The following MYO1A variants were observed in gnomAD, a reference collection of about 807,000 sequenced individuals.
The protein encoded by MYO1A is myosin IA.
Under a neutral mutation model 138.5 loss-of-function variants are expected in MYO1A, and 127 were observed. The ratio of observed to expected loss-of-function variants is 0.92; its 90% CI spans 0.79 to 1.06. The LOEUF is 1.06. Among genes scored for constraint, MYO1A ranks in the 50% least tolerant of loss-of-function variants. The probability of loss-of-function intolerance (pLI) is 0.00; values close to 1 mark genes in which losing one functional copy is unlikely to be tolerated. For synonymous variants in MYO1A, 477 were observed against 497.5 expected (o/e 0.96, Z 0.55); for missense variants, 1,211 against 1,288.8 (o/e 0.94, Z 0.92).
At position 57,043,855 on chromosome 12, in the gene MYO1A, C is replaced by A. The variant is rs765445659; in HGVS notation, c.892+1G>T. On this transcript the variant is annotated splice_donor_variant, in intron 10 of 27. Coordinates refer to ENST00000300119, the MANE Select transcript of MYO1A (RefSeq NM_005379.4). LOFTEE classifies it high-confidence loss of function. ...GAGCTCCAGCAGGCTGGGATGCAGA[C>A]CTCTCCCATCACGGATGCCACTTGC... 1.2e-6 allele frequency: 2 copies of A among 1,614,028 alleles called. No individual in the cohort carries two copies. The highest frequency in any genetic ancestry group is 1.7e-5 in the Admixed American group (1 of 60,006).
At chr12:57,029,960 C>G in intron 24 of MYO1A, 88 bp from the exon 25 acceptor site, 1 of 1,594,526 alleles carries the variant, frequency 6.3e-7, no homozygotes, top group Non-Finnish European at 8.6e-7. Flanking sequence ...CTCCCGGGCC[C>G]TTCCCCCACA....
At chr12:57,041,567 G>T in intron 12 of MYO1A, 70 bp from the exon 13 acceptor site, 1 of 1,348,396 alleles carries the variant, frequency 7.4e-7, no homozygotes, top group Non-Finnish European at 1.1e-6. Flanking sequence ...CTTCTGGAGC[G>T]GATGGGGTTG....
At position 57,030,258 on chromosome 12, in the gene MYO1A, A is replaced by C; in HGVS notation, c.2543T>G (p.Leu848Arg). The change falls in exon 24 of 28, where the codon CTC (leucine) becomes CGC (arginine). Residue 848 changes from leucine (L) to arginine (R), a missense_variant. Leu to Arg is a moderately radical substitution (Grantham distance 102). Coordinates refer to ENST00000300119, the MANE Select transcript of MYO1A (RefSeq NM_005379.4). ...PKQVEILREK[L>R]CASELFKGKK... is the part of the protein sequence containing the mutation. Reference sequence around the variant, plus strand: ...GCCCTTGAACAGTTCACTGGCACAGAGCTTTTCCCTCAGGATCTCTACCTG... The same window carrying C: ...GCCCTTGAACAGTTCACTGGCACAGCGCTTTTCCCTCAGGATCTCTACCTG... The C allele has an allele frequency of 6.2e-7, 1 of 1,614,078 alleles. No homozygotes were observed. Among genetic ancestry groups the C allele is most frequent in the East Asian group, 2.2e-5 (1 of 44,872 alleles).
intron 2 of MYO1A, 27 bp from the exon 3 acceptor site, chr12:57,048,131 A>C: frequency 6.2e-7 from 1 of 1,608,856 alleles, no homozygotes; most frequent in South Asian, 1.1e-5. Context: ...GGTGAAGGGA[A>C]TGAGCTTGAG....
chr12:57,049,237 C>T (rs1221673829), intron 1 of MYO1A, among the ~76,000 whole-genome samples: 1 of 152,190 alleles, frequency 6.6e-6, no homozygotes, highest in Non-Finnish European at 1.5e-5. Context: ...GGCAGGTGTT[C>T]CCTAAGGAGG....
intron 22 of MYO1A, among the ~76,000 whole-genome samples, chr12:57,035,958 A>T (rs1017794656): frequency 9.2e-5 from 14 of 151,834 alleles, no homozygotes; most frequent in African/African-American, 3.1e-4. Flanking sequence ...GGATCACTCT[A>T]CTCTTCAATG....
chr12:57,034,922 C>T (rs2030459965), intron 22 of MYO1A, among the ~76,000 whole-genome samples: 1 of 151,834 alleles, frequency 6.6e-6, no homozygotes, highest in South Asian at 2.1e-4. Context: ...GCTGAGATCG[C>T]GCCATTGTAC....
chr12:57,049,642 C>T (rs1234498380), intron 1 of MYO1A, among the ~76,000 whole-genome samples: 1 of 152,146 alleles, frequency 6.6e-6, no homozygotes, highest in Non-Finnish European at 1.5e-5. Flanking sequence ...TTACAATATC[C>T]CCATGAAGTA....
Position 57,031,100 on chromosome 12 carries a change from G to T in MYO1A, c.2424C>A (p.Ala808=). Residue 808 remains alanine, a synonymous_variant, in exon 23 of 28, where the codon GCC becomes GCA. Coordinates refer to ENST00000300119, the MANE Select transcript of MYO1A (RefSeq NM_005379.4). ...TTGCTGTGCTGAGGCACTTGTAGGG[G>T]GCGGCTGGCCATGTCTTGTCTAAGA... is the stretch of plus-strand genomic sequence containing the variant. The part of the protein sequence containing the change: ...TNVLDKTWPA[A]PYKCLSTANQ... 6.2e-7 allele frequency: 1 copy of T among 1,614,162 alleles called. No homozygotes were observed.
Position 57,031,073 on chromosome 12 carries a change from A to T in MYO1A, c.2451T>A (p.Asn817Lys). ...AAPYKCLSTANQELQQLFYQW... is the reference protein window; with the variant it reads ...AAPYKCLSTAKQELQQLFYQW... The stretch of plus-strand genomic sequence containing the variant: ...GGTAGAAGAGCTGCTGCAGCTCCTG[A>T]TTTGCTGTGCTGAGGCACTTGTAGG... Residue 817 changes from asparagine (N) to lysine (K), a missense_variant, in exon 23 of 28, where the codon AAT becomes AAA. Physicochemically the swap from Asn to Lys is moderately conservative, Grantham distance 94. Transcript: ENST00000300119. 1 of 1,613,972 alleles carries T rather than the reference A, an allele frequency of 6.2e-7. No homozygotes were observed. The highest frequency in any genetic ancestry group is 8.5e-7 in the Non-Finnish European group (1 of 1,179,982).
chr12:57,038,288 G>T, intron 17 of MYO1A, 124 bp downstream of exon 17: 1 of 1,208,232 alleles, frequency 8.3e-7, no homozygotes, highest in Non-Finnish European at 1.2e-6. Context: ...ACTGTTTTCT[G>T]TGAGGAAAGG....
At chr12:57,046,429 T>C (rs2031090376) in intron 8 of MYO1A, 123 bp downstream of exon 8, 3 of 773,980 alleles carry the variant, frequency 3.9e-6, no homozygotes, top group East Asian at 2.5e-5. Context: ...AAGGAAAATC[T>C]GGGAGGCTCA....
chr12:57,044,250 C>G (rs1299388064), intron 8 of MYO1A, 41 bp from the exon 9 acceptor site: 1 of 1,523,652 alleles, frequency 6.6e-7, no homozygotes, highest in African/African-American at 1.4e-5. Flanking sequence ...AGTACCCAGG[C>G]TCTCTGGAGC....
chr12:57,036,664 G>A, intron 21 of MYO1A, 108 bp downstream of exon 21: 1 of 1,335,996 alleles, frequency 7.5e-7, no homozygotes, highest in South Asian at 1.2e-5. Context: ...CTGATACACA[G>A]AGGTGCGGCC....
chr12:57,038,963 G>C lies in MYO1A; in HGVS notation c.1379C>G (p.Pro460Arg). Residue 460 changes from proline (P) to arginine (R), a missense_variant, in exon 16 of 28, where the codon CCT becomes CGT. Coordinates refer to ENST00000300119, the MANE Select transcript of MYO1A (RefSeq NM_005379.4). ...LAMLDEECLR[P>R]GVVSDSTFLA... ...GAAAGTGGAGTCACTGACCACCCCA[G>C]GCCGCAGGCACTCCTCATCCAACAT... The C allele has an allele frequency of 6.2e-7, 1 of 1,614,156 alleles. No homozygotes were observed.
At chr12:57,050,528 T>C (rs1237843374), upstream of MYO1A, among the ~76,000 whole-genome samples, 2 of 151,762 alleles carry the variant, frequency 1.3e-5, no homozygotes, top group Non-Finnish European at 2.9e-5. Flanking sequence ...TTACAAAGAG[T>C]GTCTTCCTAG....
Position 57,037,590 on chromosome 12 carries a change from C to A in MYO1A, c.2013G>T (p.Leu671=). 6.2e-7 allele frequency: 1 copy of A among 1,614,130 alleles called. No individual in the cohort carries two copies. Among genetic ancestry groups the A allele is most frequent in the East Asian group, 2.2e-5 (1 of 44,890 alleles). Residue 671 remains leucine (L), a synonymous_variant, in exon 19 of 28, where the codon CTG becomes CTT. Transcript: ENST00000300119. ...LGELSMSSGE[L]AFGKTKIFIR... ...TGAAGATCTTTGTCTTGCCAAAGGC[C>A]AGCTCCCCCGAGGACATGCTCAGCT...
rs970286870 is a variant in MYO1A at position 57,028,657 on chromosome 12, G to C, written c.*98C>G. ...GTTTAATCCCCAAGCCATGCGCCAC[G>C]ATCAGAGGGGTTAGAGATCCTCCCA... is the stretch of plus-strand genomic sequence containing the variant. On this transcript the variant is annotated 3_prime_UTR_variant, in exon 28 of 28. Transcript: ENST00000300119. 4 of 1,523,748 alleles carry C rather than the reference G, an allele frequency of 2.6e-6. No homozygotes were observed. Among genetic ancestry groups the C allele is most frequent in the East Asian group, 2.3e-5 (1 of 44,222 alleles). 94.4% of individuals were successfully genotyped at this position (1,523,748 alleles called of 1,614,324 possible).
Position 57,046,605 on chromosome 12 carries a change from C to G in MYO1A, c.587G>C (p.Arg196Thr), listed in dbSNP as rs747801833. Residue 196 changes from arginine to threonine, a missense_variant, in exon 8 of 28, where the codon AGG becomes ACG. Physicochemically the swap from Arg to Thr is moderately conservative, Grantham distance 71. Transcript: ENST00000300119. Reference sequence around the variant, plus strand: ...CAGCTGATAGAAGATGTGGAAGTTCCTTTCTCCTTTGAGCTGCTTCACTAA... The same window carrying G: ...CAGCTGATAGAAGATGTGGAAGTTCGTTTCTCCTTTGAGCTGCTTCACTAA... ...SRLVKQLKGE[R>T]NFHIFYQLLA... 6.2e-7 allele frequency: 1 copy of G among 1,614,084 alleles called. No homozygotes were observed. The highest frequency in any genetic ancestry group is 8.5e-7 in the Non-Finnish European group (1 of 1,180,014).
Sources: allele counts gnomAD v4.1 joint callset (sites outside exome capture counted in the v4.1 genomes callset), GRCh38; gene constraint gnomAD v4.1.1; transcripts MANE v1.5; gene names NCBI Gene and HGNC (gene_info 2026-07-23, HGNC 2026-07-21).